The following RABGAP1L variants were observed in gnomAD, a reference collection of about 807,000 sequenced individuals.
The protein encoded by RABGAP1L is RAB GTPase activating protein 1 like, also known as rab GTPase-activating protein 1-like.
Under a neutral mutation model 137.7 loss-of-function variants are expected in RABGAP1L, and 63 were observed. The observed-to-expected ratio is 0.46, with a 90% CI of 0.37 to 0.56. RABGAP1L has a LOEUF of 0.56. Ranked by LOEUF, RABGAP1L falls within the 20% of genes least tolerant of loss-of-function variation. RABGAP1L has a pLI of 0.00. For synonymous variants in RABGAP1L, 431 were observed against 433.7 expected (o/e 0.99, Z 0.08); for missense variants, 1,095 against 1,244.0 (o/e 0.88, Z 1.80).
intron 17 of RABGAP1L, among the ~76,000 whole-genome samples, chr1:174,717,095 A>G (rs1681080323): frequency 6.6e-6 from 1 of 152,164 alleles, no homozygotes; most frequent in African/African-American, 2.4e-5. Flanking sequence ...TATACATAAA[A>G]GATCCCTCGT....
chr1:174,476,738 C>T (rs538230498), intron 13 of RABGAP1L, among the ~76,000 whole-genome samples: 238 of 152,306 alleles, frequency 1.6e-3, no homozygotes, highest in Middle Eastern at 0.01. Flanking sequence ...AGTTCCAAAG[C>T]GGTATCTATC....
chr1:174,804,740 G>A (rs1217436255), intron 18 of RABGAP1L, among the ~76,000 whole-genome samples: 1 of 152,202 alleles, frequency 6.6e-6, no homozygotes, highest in African/African-American at 2.4e-5. Flanking sequence ...AAGGAGGGTT[G>A]ATTATACATA....
At chr1:174,490,352 G>T (rs1660101976) in intron 13 of RABGAP1L, among the ~76,000 whole-genome samples, 1 of 152,140 alleles carries the variant, frequency 6.6e-6, no homozygotes, top group Non-Finnish European at 1.5e-5. Flanking sequence ...CGCCTTCGTG[G>T]TCTTAGATAA....
chr1:174,362,115 C>A (rs1198158533), intron 11 of RABGAP1L, among the ~76,000 whole-genome samples: 1 of 152,172 alleles, frequency 6.6e-6, no homozygotes, highest in Non-Finnish European at 1.5e-5. Context: ...GACATGATCT[C>A]ATTTTTTTTA....
intron 13 of RABGAP1L, among the ~76,000 whole-genome samples, chr1:174,600,859 A>G (rs546331987): frequency 3.6e-4 from 55 of 151,896 alleles, no homozygotes; most frequent in Middle Eastern, 3.4e-3. Context: ...TATTCTCACA[A>G]CTCCACTAGG....
intron 18 of RABGAP1L, among the ~76,000 whole-genome samples, chr1:174,764,632 C>A (rs1685515782): frequency 6.6e-6 from 1 of 152,084 alleles, no homozygotes; most frequent in South Asian, 2.1e-4. Context: ...TTTTTTAGGG[C>A]TGGGGTCTCA....
At chr1:174,338,265 T>C (rs12568869) in intron 11 of RABGAP1L, among the ~76,000 whole-genome samples, 13,652 of 152,232 alleles carry the variant, frequency 0.09, 836 homozygotes, top group East Asian at 0.22. Flanking sequence ...TAAGGTTTAA[T>C]CTTATTCTAG....
intron 11 of RABGAP1L, among the ~76,000 whole-genome samples, chr1:174,369,300 C>T (rs1452794439): frequency 6.6e-6 from 1 of 152,134 alleles, no homozygotes; most frequent in Non-Finnish European, 1.5e-5. Flanking sequence ...AGTGATCCTC[C>T]CATCTCAGCC....
intron 13 of RABGAP1L, among the ~76,000 whole-genome samples, chr1:174,580,318 A>G (rs1572390403): frequency 6.6e-6 from 1 of 152,346 alleles, no homozygotes; most frequent in East Asian, 1.9e-4. Context: ...GCTGTTATAA[A>G]GACACATGCA....
intron 13 of RABGAP1L, among the ~76,000 whole-genome samples, chr1:174,399,080 G>A (rs957543129): frequency 6.6e-5 from 10 of 152,060 alleles, no homozygotes. Flanking sequence ...AGAAATGTGT[G>A]GCTCTAATCA....
intron 13 of RABGAP1L, among the ~76,000 whole-genome samples, chr1:174,591,101 G>T (rs1339800689): frequency 1.4e-5 from 1 of 73,454 alleles, no homozygotes; most frequent in Non-Finnish European, 2.3e-5. Flanking sequence ...CTCATGGCCA[G>T]TGATGATGAG....
chr1:174,796,999 T>A (rs1688290699), intron 18 of RABGAP1L, among the ~76,000 whole-genome samples: 1 of 60,938 alleles, frequency 1.6e-5, no homozygotes, highest in Non-Finnish European at 3.1e-5. Flanking sequence ...AGAGCGAGAC[T>A]CTGTCTCAAA....
At chr1:174,233,953 C>A (rs1408434956) in intron 4 of RABGAP1L, among the ~76,000 whole-genome samples, 4 of 135,036 alleles carry the variant, frequency 3.0e-5, no homozygotes, top group Non-Finnish European at 6.0e-5. Flanking sequence ...TTAATGATTG[C>A]CATTCTGACT....
At chr1:174,279,908 G>A (rs1205793877) in intron 10 of RABGAP1L, among the ~76,000 whole-genome samples, 1 of 151,864 alleles carries the variant, frequency 6.6e-6, no homozygotes, top group Non-Finnish European at 1.5e-5. Flanking sequence ...TTGCATAATC[G>A]TGAATAAAGG....
At chr1:174,333,818 A>G (rs998560094) in intron 11 of RABGAP1L, among the ~76,000 whole-genome samples, 39 of 152,152 alleles carry the variant, frequency 2.6e-4, no homozygotes, top group African/African-American at 8.7e-4. Flanking sequence ...GAACAACCCT[A>G]TGTTTCCACA....
chr1:174,569,082 G>A (rs1166731080), intron 13 of RABGAP1L, among the ~76,000 whole-genome samples: 1 of 152,026 alleles, frequency 6.6e-6, no homozygotes, highest in Non-Finnish European at 1.5e-5. Flanking sequence ...AAGTGGTTAC[G>A]GTCACACAGA....
chr1:174,571,927 A>G (rs148856562), intron 13 of RABGAP1L, among the ~76,000 whole-genome samples: 1 of 152,368 alleles, frequency 6.6e-6, no homozygotes, highest in African/African-American at 2.4e-5. Context: ...CAAATACTCA[A>G]GTTTAAGTTA....
At chr1:174,200,384 G>T (rs1668012362) in intron 1 of RABGAP1L, among the ~76,000 whole-genome samples, 1 of 152,156 alleles carries the variant, frequency 6.6e-6, no homozygotes, top group Non-Finnish European at 1.5e-5. Flanking sequence ...TACTTGATTA[G>T]TCCATTAGGT....
In RABGAP1L at chr1:174,668,397, G is replaced by A. The variant is rs546776624; in HGVS notation, c.1825-15125G>A. 2.0e-5 allele frequency among the ~76,000 whole-genome samples: 3 copies of A among 152,122 alleles called. 1 individual carries two copies. Among genetic ancestry groups the A allele is most frequent in the African/African-American group, 7.2e-5 (3 of 41,508 alleles). On this transcript the variant is annotated intron_variant, in intron 14 of 25. Transcript: ENST00000681986. ...CTATGCCTGGCATACTTCCCTTAAT[G>A]TAATATCTTTTAGTTTCATCCATGT...
Sources: gnomAD v4.1 joint callset for allele counts (sites outside exome capture counted in the v4.1 genomes callset) on GRCh38, gnomAD v4.1.1 for gene constraint, MANE v1.5 for transcripts, NCBI Gene and HGNC (gene_info 2026-07-23, HGNC 2026-07-21) for gene names.